DCAF8L2: variants seen among roughly 807,000 people sequenced by gnomAD.
DCAF8L2 encodes DDB1- and CUL4-associated factor 8-like protein 2.
For synonymous variants in DCAF8L2, 200 were observed against 190.9 expected, an observed-to-expected ratio of 1.05 and a Z score of -0.39; for missense variants, 430 against 490.7, an observed-to-expected ratio of 0.88 and a Z score of 1.17.
At chrX:27,476,596 A>C in the DCAF8L2 span, among the ~76,000 whole-genome samples, 1 of 111,389 alleles carries the variant, frequency 9.0e-6, no homozygotes, top group Non-Finnish European at 1.9e-5. Context: ...TGATTATTTA[A>C]TCTTTTCACT....
intron 2 of DCAF8L2, among the ~76,000 whole-genome samples, chrX:27,641,225 T>G (rs1009438081): frequency 9.0e-6 from 1 of 111,279 alleles, no homozygotes; most frequent in Non-Finnish European, 1.9e-5. Context: ...TAACATTTCC[T>G]TCTACCTAAA....
chrX:27,500,593 G>A, the DCAF8L2 span, among the ~76,000 whole-genome samples: 1 of 111,648 alleles, frequency 9.0e-6, no homozygotes, highest in Non-Finnish European at 1.9e-5. Flanking sequence ...CTGGGAATTA[G>A]GAGAGAAACA....
At chrX:27,631,109 G>A (rs951878727) in intron 1 of DCAF8L2, among the ~76,000 whole-genome samples, 1 of 111,726 alleles carries the variant, frequency 9.0e-6, no homozygotes, top group Non-Finnish European at 1.9e-5. Context: ...ATCAATGAAT[G>A]TAATACCCAA....
chrX:27,711,220 A>T (rs1467543403), intron 3 of DCAF8L2, among the ~76,000 whole-genome samples: 1 of 110,680 alleles, frequency 9.0e-6, no homozygotes, highest in East Asian at 2.8e-4. Context: ...TAGATTCAGT[A>T]ACATTTGGAC....
At chrX:27,711,233 T>C (rs1158529128) in intron 3 of DCAF8L2, among the ~76,000 whole-genome samples, 1 of 110,567 alleles carries the variant, frequency 9.0e-6, no homozygotes, top group Admixed American at 9.7e-5. Flanking sequence ...ATTTGGACCA[T>C]GCAACATATA....
intron 2 of DCAF8L2, among the ~76,000 whole-genome samples, chrX:27,635,073 C>T (rs921665943): frequency 1.8e-5 from 2 of 110,832 alleles, no homozygotes; most frequent in African/African-American, 3.3e-5. Context: ...AGCTCTTATG[C>T]GTAGTGTAAT....
intron 4 of DCAF8L2, among the ~76,000 whole-genome samples, chrX:27,717,646 C>T (rs182301286): frequency 8.9e-6 from 1 of 112,102 alleles, no homozygotes; most frequent in Non-Finnish European, 1.9e-5. Context: ...GTCAGGTGGA[C>T]AGATTGCAAA....
the DCAF8L2 span, among the ~76,000 whole-genome samples, chrX:27,530,524 T>G: frequency 9.0e-6 from 1 of 111,354 alleles, no homozygotes; most frequent in African/African-American, 3.3e-5. Context: ...GCACGTCATC[T>G]GGTGTAGTGG....
chrX:27,612,800 G>C (rs1319325759), intron 1 of DCAF8L2, among the ~76,000 whole-genome samples: 1 of 111,423 alleles, frequency 9.0e-6, no homozygotes, highest in South Asian at 3.8e-4. Flanking sequence ...GTGTTCCATT[G>C]GTCTATATCT....
In DCAF8L2 at chrX:27,637,352, G is replaced by T. The variant is rs773477773; in HGVS notation, c.-220+5352G>T. 8.1e-5 allele frequency among the ~76,000 whole-genome samples: 9 copies of T among 111,737 alleles called. No homozygotes were observed. The South Asian group carries it at 2.2e-3, about 28-fold the overall frequency. On this transcript the variant is annotated intron_variant, in intron 2 of 4. Transcript: ENST00000451261. ...CACACTAGCTTAACTTTGAGAAGTGGGTTTCTAACTTTTAATTTTCTAGTA... is the reference window on the plus strand; with the variant it reads ...CACACTAGCTTAACTTTGAGAAGTGTGTTTCTAACTTTTAATTTTCTAGTA...
chrX:27,545,146 T>C, the DCAF8L2 span, among the ~76,000 whole-genome samples: 11,005 of 110,899 alleles, frequency 0.099, 421 homozygotes, highest in Non-Finnish European at 0.12. Context: ...GTAGCTAAGG[T>C]GCATGAACTA....
the DCAF8L2 span, among the ~76,000 whole-genome samples, chrX:27,511,057 T>C: frequency 9.0e-6 from 1 of 110,963 alleles, no homozygotes; most frequent in East Asian, 2.8e-4. Flanking sequence ...ACCCCAGATC[T>C]TGTAATAGAC....
At chrX:27,587,977 A>AAT (rs1466897616), upstream of DCAF8L2, among the ~76,000 whole-genome samples, 1 of 15,348 alleles carries the variant, frequency 6.5e-5, no homozygotes, top group African/African-American at 3.2e-4. Flanking sequence ...ACTTCCATTA[A>AAT]AAAAAAAAAT....
the DCAF8L2 span, among the ~76,000 whole-genome samples, chrX:27,499,842 G>T: frequency 4.5e-5 from 5 of 109,957 alleles, no homozygotes; most frequent in East Asian, 2.9e-4. Context: ...GTGGTGGGGG[G>T]GGGTACAGGG....
the DCAF8L2 span, among the ~76,000 whole-genome samples, chrX:27,579,615 T>TACACACACACACACAC: frequency 9.4e-4 from 83 of 87,925 alleles, 1 homozygote; most frequent in Middle Eastern, 6.2e-3. Flanking sequence ...TTCAGAGAAA[T>TACACACACACACACAC]ACACACACAC....
At chrX:27,709,524 T>A (rs1931453576) in intron 3 of DCAF8L2, among the ~76,000 whole-genome samples, 1 of 111,984 alleles carries the variant, frequency 8.9e-6, no homozygotes, top group East Asian at 2.8e-4. Flanking sequence ...TCACACTGTA[T>A]CTCTCTGACT....
the DCAF8L2 span, among the ~76,000 whole-genome samples, chrX:27,491,838 T>C: frequency 8.9e-6 from 1 of 112,054 alleles, no homozygotes; most frequent in Non-Finnish European, 1.9e-5. Context: ...TCATTAACAG[T>C]GATAATGTTT....
At chrX:27,527,259 C>T in the DCAF8L2 span, among the ~76,000 whole-genome samples, 1 of 112,026 alleles carries the variant, frequency 8.9e-6, no homozygotes, top group Non-Finnish European at 1.9e-5. Context: ...TGCCACCTTG[C>T]AGTTCGATCT....
At chrX:27,514,758 A>G in the DCAF8L2 span, among the ~76,000 whole-genome samples, 1 of 109,053 alleles carries the variant, frequency 9.2e-6, no homozygotes, top group Non-Finnish European at 1.9e-5. Flanking sequence ...AATGGAGGAC[A>G]TTACGTGAAG....
Sources: allele counts gnomAD v4.1 joint callset (sites outside exome capture counted in the v4.1 genomes callset), GRCh38; gene constraint gnomAD v4.1.1; transcripts MANE v1.5; gene names NCBI Gene and HGNC (gene_info 2026-07-23, HGNC 2026-07-21).